The following TBC1D5 variants were observed in gnomAD, a reference collection of about 807,000 sequenced individuals.
TBC1D5 encodes TBC1 domain family, member 5.
Under a neutral mutation model 100.3 loss-of-function variants are expected in TBC1D5, and 75 were observed. The ratio of observed to expected loss-of-function variants is 0.75; its 90% confidence interval spans 0.62 to 0.91. The LOEUF is 0.91. Ranked by LOEUF, TBC1D5 falls within the 40% of genes least tolerant of loss-of-function variation. The pLI is 0.00. For synonymous variants in TBC1D5, 323 were observed against 325.6 expected (o/e 0.99, Z 0.09); for missense variants, 910 against 942.4 (o/e 0.97, Z 0.45).
chr3:17,409,668 C>T (rs768079762), intron 4 of TBC1D5, among the ~76,000 whole-genome samples: 1 of 151,928 alleles, frequency 6.6e-6, no homozygotes, highest in Non-Finnish European at 1.5e-5. Context: ...ACAGTCTTAC[C>T]GCTGATACAG....
chr3:17,258,722 G>A, intron 15 of TBC1D5, 131 bp from the exon 16 acceptor site: 1 of 572,332 alleles, frequency 1.7e-6, no homozygotes, highest in Non-Finnish European at 2.7e-6. Flanking sequence ...TAATTAGTGT[G>A]ATTGGGTTTT....
intron 18 of TBC1D5, among the ~76,000 whole-genome samples, chr3:17,213,643 G>C (rs929010615): frequency 3.6e-4 from 51 of 143,210 alleles, no homozygotes; most frequent in African/African-American, 1.1e-3. Context: ...GCACACACCT[G>C]TAATCCCAGC....
In TBC1D5 at chr3:17,208,446, C is replaced by T. The variant is rs76815485; in HGVS notation, c.1752+5761G>A. Among the ~76,000 whole-genome samples, 894 of 152,336 alleles carry T rather than the reference C, an allele frequency of 5.9e-3. 5 individuals carry two copies. Among genetic ancestry groups the T allele is most frequent in the Middle Eastern group, 0.044 (13 of 294 alleles). On this transcript the variant is annotated intron_variant, in intron 18 of 21. Coordinates refer to ENST00000253692, the Ensembl canonical transcript of TBC1D5. ...CTGACAGATCATAGGGACAAGGAGG[C>T]GCAATCCGATTAAGTGCCCAGAATG...
At chr3:17,615,319 C>T (rs1340716058) in intron 2 of TBC1D5, among the ~76,000 whole-genome samples, 1 of 152,188 alleles carries the variant, frequency 6.6e-6, no homozygotes, top group East Asian at 1.9e-4. Flanking sequence ...CATCGATGAT[C>T]ATCAGGGATA....
At chr3:17,692,245 C>G (rs1372977639) in intron 1 of TBC1D5, among the ~76,000 whole-genome samples, 2 of 152,066 alleles carry the variant, frequency 1.3e-5, no homozygotes, top group Non-Finnish European at 2.9e-5. Flanking sequence ...GCATCTGCCA[C>G]CATGCCCAGC....
At chr3:17,235,013 T>G (rs994065557) in intron 17 of TBC1D5, among the ~76,000 whole-genome samples, 4 of 152,168 alleles carry the variant, frequency 2.6e-5, no homozygotes, top group Admixed American at 1.3e-4. Context: ...CTAAATTCAC[T>G]GATAATGGCG....
intron 2 of TBC1D5, among the ~76,000 whole-genome samples, chr3:17,536,914 A>T (rs189281739): frequency 6.6e-6 from 1 of 152,302 alleles, no homozygotes; most frequent in African/African-American, 2.4e-5. Context: ...TTTGTTATAC[A>T]GATGAGGTCT....
intron 2 of TBC1D5, among the ~76,000 whole-genome samples, chr3:17,519,722 T>C (rs1036490513): frequency 5.3e-5 from 8 of 152,214 alleles, no homozygotes; most frequent in African/African-American, 1.9e-4. Context: ...CTAATTGAGC[T>C]ATACTTGTTC....
rs188309045 is a variant in TBC1D5 at position 17,688,085 on chromosome 3, C to T, written c.-101+51258G>A. Among the ~76,000 whole-genome samples, 19 of 152,132 alleles carry T rather than the reference C, an allele frequency of 1.2e-4. No homozygotes were observed. The East Asian group carries it at 1.5e-3, about 12-fold the overall frequency. ...TTAAATTTAGGGATAATCTTAGAAT[C>T]GAATGCTATGATTTCACTAAATATC... On this transcript the variant is annotated intron_variant, in intron 1 of 21. Transcript: ENST00000253692.
At chr3:17,511,148 G>T (rs1471998668) in intron 2 of TBC1D5, among the ~76,000 whole-genome samples, 1 of 151,962 alleles carries the variant, frequency 6.6e-6, no homozygotes, top group East Asian at 1.9e-4. Context: ...CTGCTAATTT[G>T]TAAGTGTTAG....
At chr3:17,616,332 T>G (rs1303210214) in intron 2 of TBC1D5, among the ~76,000 whole-genome samples, 1 of 152,198 alleles carries the variant, frequency 6.6e-6, no homozygotes, top group Non-Finnish European at 1.5e-5. Context: ...TTAGAATAAG[T>G]ACAATATGGT....
At chr3:17,444,982 C>T (rs2094751341) in intron 3 of TBC1D5, among the ~76,000 whole-genome samples, 1 of 152,106 alleles carries the variant, frequency 6.6e-6, no homozygotes, top group Non-Finnish European at 1.5e-5. Flanking sequence ...TGAGAAATAA[C>T]TTCATTGAAA....
At chr3:17,434,061 C>G (rs967435564) in intron 3 of TBC1D5, among the ~76,000 whole-genome samples, 4 of 152,194 alleles carry the variant, frequency 2.6e-5, no homozygotes, top group Non-Finnish European at 5.9e-5. Context: ...TTGCAGGGTA[C>G]AGCTCCCCTC....
intron 2 of TBC1D5, among the ~76,000 whole-genome samples, chr3:17,564,064 G>GTT (rs2096578502): frequency 6.6e-6 from 1 of 152,202 alleles, no homozygotes; most frequent in African/African-American, 2.4e-5. Flanking sequence ...TTACAGGCAT[G>GTT]AGCCACCGTG....
intron 1 of TBC1D5, among the ~76,000 whole-genome samples, chr3:17,655,029 C>A (rs1259695865): frequency 2.0e-5 from 3 of 151,192 alleles, no homozygotes. Context: ...TTTTTTATTG[C>A]GTCTATTTGA....
intron 3 of TBC1D5, among the ~76,000 whole-genome samples, chr3:17,437,581 T>C (rs2094558626): frequency 6.9e-6 from 1 of 145,658 alleles, no homozygotes; most frequent in African/African-American, 2.6e-5. Context: ...TGTGTGTGTG[T>C]GTGGTGGGAT....
intron 15 of TBC1D5, among the ~76,000 whole-genome samples, chr3:17,287,107 C>G (rs1416276131): frequency 6.6e-6 from 1 of 152,140 alleles, no homozygotes; most frequent in East Asian, 1.9e-4. Flanking sequence ...AATTAACTAT[C>G]TTGATAAAAA....
intron 13 of TBC1D5, among the ~76,000 whole-genome samples, chr3:17,355,601 C>T (rs142743931): frequency 7.2e-5 from 11 of 152,198 alleles, no homozygotes; most frequent in East Asian, 5.8e-4. Context: ...ATTTTCATCA[C>T]AGCCATTTTC....
At chr3:17,342,497 T>C (rs1222143872) in intron 13 of TBC1D5, among the ~76,000 whole-genome samples, 2 of 152,204 alleles carry the variant, frequency 1.3e-5, no homozygotes, top group Non-Finnish European at 2.9e-5. Flanking sequence ...GTACAGTATG[T>C]AATAGGTACC....
Sources: allele counts gnomAD v4.1 joint callset (sites outside exome capture counted in the v4.1 genomes callset), GRCh38; gene constraint gnomAD v4.1.1; transcripts MANE v1.5; gene names NCBI Gene and HGNC (gene_info 2026-07-23, HGNC 2026-07-21).